RAD51B: variants seen among roughly 807,000 people sequenced by gnomAD.
The protein encoded by RAD51B is DNA repair protein RAD51 homolog 2.
Under a neutral mutation model 42.2 loss-of-function variants are expected in RAD51B, and 38 were observed. That is an observed-to-expected ratio of 0.90 (90% CI 0.70 to 1.18). RAD51B has a LOEUF of 1.18. RAD51B is among the 50% of genes most tolerant of loss of function. The probability of loss-of-function intolerance (pLI) is 0.00; values close to 1 mark genes in which losing one functional copy is unlikely to be tolerated. For synonymous variants in RAD51B, 154 were observed against 145.2 expected, an observed-to-expected ratio of 1.06 and a Z score of -0.43; for missense variants, 373 against 400.7, an observed-to-expected ratio of 0.93 and a Z score of 0.59.
chr14:68,496,493 CAG>C (rs1200732155), intron 10 of RAD51B, among the ~76,000 whole-genome samples: 1 of 152,232 alleles, frequency 6.6e-6, no homozygotes, highest in Non-Finnish European at 1.5e-5. Context: ...CCACCTCTGA[CAG>C]GGCCCAGATG....
chr14:68,659,616 A>G (rs1892892880), intron 11 of RAD51B, among the ~76,000 whole-genome samples: 1 of 152,188 alleles, frequency 6.6e-6, no homozygotes, highest in South Asian at 2.1e-4. Flanking sequence ...CACCGGGGCA[A>G]GCCAAGGGTC....
intron 7 of RAD51B, among the ~76,000 whole-genome samples, chr14:68,163,989 T>C (rs2078700072): frequency 6.6e-6 from 1 of 152,190 alleles, no homozygotes; most frequent in South Asian, 2.1e-4. Flanking sequence ...AGAAGAAATG[T>C]TCTTGAAGAT....
At chr14:68,107,079 T>C (rs1429875931) in intron 7 of RAD51B, among the ~76,000 whole-genome samples, 2 of 151,892 alleles carry the variant, frequency 1.3e-5, no homozygotes, top group Non-Finnish European at 2.9e-5. Context: ...ATCAGTATTA[T>C]TTCCCTCTTC....
chr14:68,138,293 G>T lies in RAD51B; in HGVS notation c.757-153591G>T, dbSNP rs559367839. Among the ~76,000 whole-genome samples, 3 of 152,262 alleles carry T rather than the reference G, an allele frequency of 2.0e-5. No individual in the cohort carries two copies. In the East Asian group the frequency reaches 5.8e-4, roughly 29 times the overall value. On this transcript the variant is annotated intron_variant, in intron 7 of 10. Transcript: ENST00000471583. ...CAGTTAAAATTTCTGGGTAAGTATA[G>T]GTTGGTAGCATAACAAAATCAGAAG...
chr14:68,584,076 C>A (rs1890338463), intron 10 of RAD51B, among the ~76,000 whole-genome samples: 1 of 152,142 alleles, frequency 6.6e-6, no homozygotes, highest in African/African-American at 2.4e-5. Context: ...GCCCCCCCAC[C>A]CCCCATGCTG....
chr14:68,444,319 A>T (rs1050766094), intron 9 of RAD51B, among the ~76,000 whole-genome samples: 2 of 152,208 alleles, frequency 1.3e-5, no homozygotes, highest in African/African-American at 4.8e-5. Flanking sequence ...ATAGCTCTCC[A>T]TTCAGGGACA....
At chr14:68,641,222 C>T (rs1892453008) in intron 10 of RAD51B, among the ~76,000 whole-genome samples, 1 of 152,162 alleles carries the variant, frequency 6.6e-6, no homozygotes, top group Admixed American at 6.5e-5. Context: ...CATATGCCAG[C>T]CCTGTCCTAC....
At chr14:68,218,304 G>T (rs562553528) in intron 7 of RAD51B, among the ~76,000 whole-genome samples, 1 of 152,280 alleles carries the variant, frequency 6.6e-6, no homozygotes, top group East Asian at 1.9e-4. Context: ...AGTACCAGGG[G>T]TTAGGAAAAA....
chr14:67,981,432 C>T (rs1440561914), intron 7 of RAD51B, among the ~76,000 whole-genome samples: 1 of 152,150 alleles, frequency 6.6e-6, no homozygotes, highest in Non-Finnish European at 1.5e-5. Flanking sequence ...CATATACCCA[C>T]CGTACTCTTC....
At chr14:67,837,872 G>A (rs1352155238) in intron 4 of RAD51B, among the ~76,000 whole-genome samples, 5 of 152,078 alleles carry the variant, frequency 3.3e-5, no homozygotes, top group African/African-American at 7.2e-5. Context: ...TTTACCTAAG[G>A]TGCTATAGAA....
At chr14:67,822,413 A>G (rs1335654619) in intron 1 of RAD51B, 1 of 152,258 alleles carries the variant, frequency 6.6e-6, no homozygotes, top group Non-Finnish European at 1.5e-5. Flanking sequence ...CTGATCGCTC[A>G]TGCCTGTAAT....
chr14:68,204,852 C>T (rs2079555233), intron 7 of RAD51B, among the ~76,000 whole-genome samples: 1 of 152,048 alleles, frequency 6.6e-6, no homozygotes, highest in African/African-American at 2.4e-5. Context: ...TTCAAGTATA[C>T]ACTGTATTGT....
At chr14:68,297,458 T>A (rs2081636994) in intron 8 of RAD51B, among the ~76,000 whole-genome samples, 1 of 152,228 alleles carries the variant, frequency 6.6e-6, no homozygotes, top group Admixed American at 6.5e-5. Context: ...TGTAATCCAT[T>A]AACCACAGAC....
downstream of RAD51B, chr14:68,596,054 G>T: frequency 1.9e-6 from 2 of 1,042,604 alleles, no homozygotes; most frequent in South Asian, 9.2e-5. Flanking sequence ...ACCAGCAGAT[G>T]TGTTTCCTGT....
rs549880455 is a variant in RAD51B, at chr14:68,560,978, G to A, written c.1037-33507G>A. ...CAGAAAATGGGCCAGATTCAGGAAC[G>A]CCTGAAATGGGGCTCTGGAAGCCTT... On this transcript the variant is annotated intron_variant, in intron 10 of 10. Transcript: ENST00000487270. Among the ~76,000 whole-genome samples the A allele has an allele frequency of 1.8e-4, 27 of 152,336 alleles. No individual in the cohort carries two copies. The South Asian group carries it at 4.6e-3, about 26-fold the overall frequency.
At chr14:68,076,559 C>G (rs117245936) in intron 7 of RAD51B, among the ~76,000 whole-genome samples, 1 of 152,096 alleles carries the variant, frequency 6.6e-6, no homozygotes, top group South Asian at 2.1e-4. Context: ...ATTTTTAGAT[C>G]TATCTAAAAA....
rs139443194 is a variant in RAD51B, at chr14:68,086,136, A to C, written c.756+198932A>C. Among the ~76,000 whole-genome samples, 99 of 152,284 alleles carry C rather than the reference A, an allele frequency of 6.5e-4. 1 individual carries two copies. In the East Asian group the frequency reaches 0.017, roughly 26 times the overall value. ...AGAATGAGCGCAAGGTTTTGAGTGG[A>C]GGTAGCTCTCAGCAGATGGGGGAAG... On this transcript the variant is annotated intron_variant, in intron 7 of 10. Transcript: ENST00000471583.
chr14:68,324,285 T>C (rs1182109645), intron 8 of RAD51B, among the ~76,000 whole-genome samples: 2 of 152,214 alleles, frequency 1.3e-5, no homozygotes, highest in East Asian at 3.9e-4. Context: ...AACCCGCACA[T>C]CTGGGCAGGG....
intron 7 of RAD51B, among the ~76,000 whole-genome samples, chr14:68,277,723 A>G (rs148665084): frequency 3.3e-5 from 5 of 152,164 alleles, no homozygotes; most frequent in Admixed American, 3.3e-4. Context: ...TGAGAATCAG[A>G]GGTATGTTCT....
Sources: gnomAD v4.1 joint callset for allele counts (sites outside exome capture counted in the v4.1 genomes callset) on GRCh38, gnomAD v4.1.1 for gene constraint, MANE v1.5 for transcripts, NCBI Gene and HGNC (gene_info 2026-07-23, HGNC 2026-07-21) for gene names.